WDR35: variants seen among roughly 807,000 people sequenced by gnomAD.
The protein encoded by WDR35 is WD repeat-containing protein 35.
In WDR35, 118 loss-of-function variants were observed where a neutral mutation model predicts 158.3. That is an observed-to-expected ratio of 0.75 (90% CI 0.64 to 0.87). The LOEUF is 0.87. Ranked by LOEUF, WDR35 falls within the 40% of genes least tolerant of loss-of-function variation. WDR35 has a pLI of 0.00. For missense variants in WDR35, 1,263 were observed against 1,405.8 expected (o/e 0.90, Z 1.62); for synonymous variants, 448 against 476.1 (o/e 0.94, Z 0.77).
Position 19,950,735 on chromosome 2 carries a change from G to A in WDR35, c.1470+680C>T, listed in dbSNP as rs190221076. On this transcript the variant is annotated intron_variant, in intron 13 of 26. Coordinates refer to ENST00000281405, the MANE Select transcript of WDR35 (RefSeq NM_020779.4). ...AGATGAACTCTTGCATATTCTAGTA[G>A]ATACATCACTAGATCTGCTGTCAAA... Among the ~76,000 whole-genome samples, 310 of 152,254 alleles carry A rather than the reference G, an allele frequency of 2.0e-3. 2 individuals are homozygous for A. Among genetic ancestry groups the A allele is most frequent in the Non-Finnish European group, 3.7e-3 (250 of 68,004 alleles).
chr2:19,953,936 G>GCC lies in WDR35; in HGVS notation c.1297_1298insGG (p.Ala433GlyfsTer68). 3 of 1,614,100 alleles carry GCC rather than the reference G, an allele frequency of 1.9e-6. No homozygotes were observed. Among genetic ancestry groups the GCC allele is most frequent in the Non-Finnish European group, 2.5e-6 (3 of 1,179,994 alleles). ...CCAGGTATAAAATGCTTCTTTCGAG[G>GCC]CTGCTATCACATGGGTTTTGGTCAT... On this transcript the variant is annotated frameshift_variant, in exon 12 of 27. Coordinates refer to ENST00000281405, the MANE Select transcript of WDR35 (RefSeq NM_020779.4). LOFTEE classifies it high-confidence loss of function.
At position 19,911,345 on chromosome 2, in the gene WDR35, A is replaced by G. The variant is rs1669828884; in HGVS notation, c.*2213T>C. 6.6e-6 allele frequency: 1 copy of G among 152,250 alleles called. No individual in the cohort carries two copies. Among genetic ancestry groups the G allele is most frequent in the Admixed American group, 6.5e-5 (1 of 15,284 alleles). 9.4% of individuals were successfully genotyped at this position (152,250 alleles called of 1,614,324 possible). On this transcript the variant is annotated 3_prime_UTR_variant, in exon 27 of 27. Transcript: ENST00000281405. ...TCAAGCATTAGACCATGGACTAAGA[A>G]TTGCAGCTCTGACCAAACTGTCCTG... is the stretch of plus-strand genomic sequence containing the variant.
intron 8 of WDR35, among the ~76,000 whole-genome samples, chr2:19,970,967 A>G (rs1196495548): frequency 6.6e-6 from 1 of 152,158 alleles, no homozygotes; most frequent in Non-Finnish European, 1.5e-5. Context: ...TTCCCTTTCC[A>G]TTAATAGATT....
At chr2:19,941,430 T>C (rs773796640) in intron 17 of WDR35, among the ~76,000 whole-genome samples, 25 of 152,314 alleles carry the variant, frequency 1.6e-4, no homozygotes, top group Middle Eastern at 3.4e-3. Context: ...CACTCATTTT[T>C]TTTAGCTCTC....
chr2:19,949,965 A>T (rs1430905146), intron 13 of WDR35, among the ~76,000 whole-genome samples: 1 of 152,162 alleles, frequency 6.6e-6, no homozygotes, highest in African/African-American at 2.4e-5. Flanking sequence ...GGGGCTTTTG[A>T]GCTGCTCAAT....
chr2:19,983,696 T>C (rs1228361588), intron 2 of WDR35, among the ~76,000 whole-genome samples: 1 of 152,190 alleles, frequency 6.6e-6, no homozygotes, highest in Non-Finnish European at 1.5e-5. Context: ...ATATCCTTTA[T>C]TCTGAAAACA....
intron 25 of WDR35, among the ~76,000 whole-genome samples, chr2:19,924,714 T>G (rs1670303421): frequency 2.0e-5 from 3 of 152,164 alleles, no homozygotes; most frequent in South Asian, 4.1e-4. Context: ...TGTGATGTTA[T>G]CGGAGGTAAT....
chr2:19,983,427 T>C (rs947488818), intron 2 of WDR35, among the ~76,000 whole-genome samples: 7 of 152,232 alleles, frequency 4.6e-5, no homozygotes, highest in Admixed American at 3.3e-4. Flanking sequence ...ATAAGAATTT[T>C]AGATTTTATC....
chr2:19,924,334 G>C (rs1008616219), intron 25 of WDR35, among the ~76,000 whole-genome samples: 2 of 152,106 alleles, frequency 1.3e-5, no homozygotes, highest in African/African-American at 4.8e-5. Context: ...GGAGGCTGAG[G>C]GGGGTGGATC....
chr2:19,915,151 T>A (rs1302761001), intron 25 of WDR35, among the ~76,000 whole-genome samples: 1 of 152,184 alleles, frequency 6.6e-6, no homozygotes, highest in Non-Finnish European at 1.5e-5. Flanking sequence ...CCAATTTGTA[T>A]CTTTTTCTTC....
In WDR35 at chr2:19,934,489, TC is replaced by T. The variant is rs1306020289; in HGVS notation, c.2548-979del. Among the ~76,000 whole-genome samples the T allele has an allele frequency of 6.6e-6, 1 of 152,010 alleles. No homozygotes were observed. The highest frequency in any genetic ancestry group is 2.4e-5 in the African/African-American group (1 of 41,448). On this transcript the variant is annotated intron_variant, in intron 21 of 26. Coordinates refer to ENST00000281405, the MANE Select transcript of WDR35 (RefSeq NM_020779.4). The surrounding 1 kb of genome is among the most constrained non-coding windows in gnomAD (Gnocchi z 4.6). ...ACCTTCCCATATTATTAAAAATTCT[TC>T]TATAACTCTATTTAAAATTTATAAT...
At position 19,989,264 on chromosome 2, in the gene WDR35, C is replaced by A. The variant is rs145536838; in HGVS notation, c.43G>T (p.Val15Leu). ...LSKKISIPNN[V>L]KLQCVSWNKE... Reference sequence around the variant, plus strand: ...TTCCAGGATACACACTGCAGCTTCACGTTATTGGGAATGGAAATCTGAAAA... The same window carrying A: ...TTCCAGGATACACACTGCAGCTTCAAGTTATTGGGAATGGAAATCTGAAAA... The change falls in exon 2 of 27, where the codon GTG (valine) becomes TTG (leucine). Residue 15 changes from valine (V) to leucine (L), a missense_variant. By Grantham distance (32) the Val-to-Leu change is conservative. Transcript: ENST00000281405. 6.2e-7 allele frequency: 1 copy of A among 1,614,168 alleles called. No homozygotes were observed. The highest frequency in any genetic ancestry group is 2.2e-5 in the East Asian group (1 of 44,886).
In WDR35 at chr2:19,966,706, A is replaced by C. The variant is rs534362725; in HGVS notation, c.1194+18T>G. On this transcript the variant is annotated intron_variant, in intron 10 of 26. Transcript: ENST00000281405. ...GCAGTTAGCCCAGCTATGTCTTAAG[A>C]TATCAAGAAACACCTACCTGAGGAT... The C allele has an allele frequency of 5.6e-5, 90 of 1,612,740 alleles. 2 individuals carry two copies. In the South Asian group the frequency reaches 9.3e-4, roughly 17 times the overall value.
rs1243298809 is a variant in WDR35, at chr2:19,911,192, T to A, written c.*2366A>T. On this transcript the variant is annotated 3_prime_UTR_variant, in exon 27 of 27. Transcript: ENST00000281405. ...CCAAAGTTAGGTGAAGTCTGAGGAG[T>A]CAACAGGTGATTCTAGAACTAAAGC... The A allele has an allele frequency of 6.6e-6, 1 of 151,860 alleles. No homozygotes were observed. The highest frequency in any genetic ancestry group is 6.6e-5 in the Admixed American group (1 of 15,244). The allele number at this position is 151,860 out of a possible 1,614,324, so 9.4% of individuals were successfully genotyped here.
At chr2:19,963,495 A>T (rs1671736104) in intron 10 of WDR35, among the ~76,000 whole-genome samples, 1 of 152,100 alleles carries the variant, frequency 6.6e-6, no homozygotes, top group African/African-American at 2.4e-5. Flanking sequence ...TTATCCCCTT[A>T]AATTTCTCTT....
chr2:19,924,050 A>G (rs2103389234), intron 25 of WDR35, among the ~76,000 whole-genome samples: 1 of 152,274 alleles, frequency 6.6e-6, no homozygotes, highest in East Asian at 1.9e-4. Flanking sequence ...CCTCAAATTA[A>G]TATAACTACA....
chr2:19,964,558 T>A (rs141994715), intron 10 of WDR35, among the ~76,000 whole-genome samples: 2,000 of 151,746 alleles, frequency 0.013, 21 homozygotes, highest in Non-Finnish European at 0.022. Context: ...TAATTTTTTC[T>A]ATTTTAGTAG....
rs1273481279 is a variant in WDR35 at position 19,945,783 on chromosome 2, T to C, written c.1845+3A>G. On this transcript the variant is annotated splice_donor_region_variant and intron_variant, in intron 16 of 26. Coordinates refer to ENST00000281405, the MANE Select transcript of WDR35 (RefSeq NM_020779.4). ...ACTGTTAACACTCATTTCTTGTTTT[T>C]ACCTCAGGATCCAAGTTTCTGAAAA... 6.2e-6 allele frequency: 10 copies of C among 1,613,678 alleles called. No homozygotes were observed. The African/African-American group carries it at 1.3e-4, about 22-fold the overall frequency.
At chr2:19,960,489 G>T in intron 11 of WDR35, 65 bp downstream of exon 11, 1 of 1,331,538 alleles carries the variant, frequency 7.5e-7, no homozygotes, top group South Asian at 1.2e-5. Context: ...CCAGTGTTAG[G>T]TTTTTAAATT....
Sources: gnomAD v4.1 joint callset for allele counts (sites outside exome capture counted in the v4.1 genomes callset) on GRCh38, gnomAD v4.1.1 for gene constraint, Gnocchi (gnomAD v3.1) non-coding constraint, MANE v1.5 for transcripts, NCBI Gene and HGNC (gene_info 2026-07-23, HGNC 2026-07-21) for gene names.